The following VSTM4 variants were observed in gnomAD, a reference collection of about 807,000 sequenced individuals.
The protein encoded by VSTM4 is V-set and transmembrane domain-containing protein 4.
In VSTM4, 20 loss-of-function variants were observed where a neutral mutation model predicts 36.4. The observed-to-expected ratio is 0.55, with a 90% CI of 0.39 to 0.80. The LOEUF (loss-of-function observed/expected upper bound fraction) is 0.80. VSTM4 is among the 30% of genes least tolerant of loss of function. The probability of loss-of-function intolerance (pLI) is 0.00; values close to 1 mark genes in which losing one functional copy is unlikely to be tolerated. For synonymous variants in VSTM4, 182 were observed against 173.9 expected (o/e 1.05, Z -0.37); for missense variants, 392 against 404.5 (o/e 0.97, Z 0.26).
At position 49,047,015 on chromosome 10, in the gene VSTM4, T is replaced by C. The variant is rs771992173; in HGVS notation, c.805A>G (p.Lys269Glu). 6.2e-7 allele frequency: 1 copy of C among 1,614,180 alleles called. No individual in the cohort carries two copies. The highest frequency in any genetic ancestry group is 8.5e-7 in the Non-Finnish European group (1 of 1,180,020). Residue 269 changes from lysine to glutamate, a missense_variant, in exon 7 of 8, where the codon AAG (lysine) becomes GAG (glutamate). Transcript: ENST00000332853. The stretch of plus-strand genomic sequence containing the variant: ...ACTTTTCTCTGTGGTTTCAGCAGCT[T>C]CGGTTTATGGAACGTGGGGGCTATC... The part of the protein sequence containing the change: ...APIAPTFHKP[K>E]LLKPQRKVTL...
chr10:49,033,722 T>C (rs1439809085), intron 7 of VSTM4, among the ~76,000 whole-genome samples: 3 of 152,186 alleles, frequency 2.0e-5, no homozygotes, highest in African/African-American at 7.2e-5. Context: ...AGTGGGAGAC[T>C]TTGTATTAGT....
At chr10:49,109,966 C>A (rs1344101968) in intron 1 of VSTM4, among the ~76,000 whole-genome samples, 3 of 152,244 alleles carry the variant, frequency 2.0e-5, no homozygotes, top group African/African-American at 4.8e-5. Context: ...TGTGTGAAGT[C>A]CACACAGCTC....
At chr10:49,065,336 A>G (rs1843954396) in intron 4 of VSTM4, among the ~76,000 whole-genome samples, 1 of 152,212 alleles carries the variant, frequency 6.6e-6, no homozygotes, top group South Asian at 2.1e-4. Flanking sequence ...AGCTGAAACA[A>G]CCAGGGGGAC....
Position 49,023,173 on chromosome 10 carries a change from C to T in VSTM4, c.838-3398G>A, listed in dbSNP as rs770100655. ...GAATATAATAATTTGATTGAAGATA[C>T]GAGGCAGCTCACAGGAGGCTCAGAA... On this transcript the variant is annotated intron_variant, in intron 7 of 7. Coordinates refer to ENST00000332853, the MANE Select transcript of VSTM4 (RefSeq NM_001031746.5). Among the ~76,000 whole-genome samples the T allele has an allele frequency of 7.2e-4, 110 of 152,180 alleles. 2 individuals carry two copies. Among genetic ancestry groups the T allele is most frequent in the Non-Finnish European group, 6.3e-4 (43 of 68,032 alleles).
intron 4 of VSTM4, among the ~76,000 whole-genome samples, chr10:49,076,298 G>C (rs1293211281): frequency 6.6e-6 from 1 of 152,206 alleles, no homozygotes; most frequent in Non-Finnish European, 1.5e-5. Flanking sequence ...TGTGTTACAG[G>C]TTTTAGCATC....
chr10:49,076,101 T>C (rs868139687), intron 4 of VSTM4, among the ~76,000 whole-genome samples: 9 of 152,168 alleles, frequency 5.9e-5, no homozygotes, highest in South Asian at 4.1e-4. Flanking sequence ...GTCACCTCCC[T>C]CATTGTCCCT....
chr10:49,042,339 C>T (rs1843533744), intron 7 of VSTM4, among the ~76,000 whole-genome samples: 1 of 152,182 alleles, frequency 6.6e-6, no homozygotes, highest in Non-Finnish European at 1.5e-5. Flanking sequence ...TTTTTGATAA[C>T]ATGAACCAAA....
chr10:49,034,884 G>T (rs1274124581), intron 7 of VSTM4, among the ~76,000 whole-genome samples: 1 of 152,144 alleles, frequency 6.6e-6, no homozygotes, highest in East Asian at 1.9e-4. Context: ...GAGCAGAAAT[G>T]ATATTGTTTC....
intron 2 of VSTM4, among the ~76,000 whole-genome samples, chr10:49,104,479 C>T (rs1045326817): frequency 6.6e-6 from 1 of 152,214 alleles, no homozygotes; most frequent in African/African-American, 2.4e-5. Flanking sequence ...CAGCCTGGGG[C>T]GGACAAGCTC....
chr10:49,059,291 C>G (rs556986200), intron 5 of VSTM4, among the ~76,000 whole-genome samples: 92 of 152,298 alleles, frequency 6.0e-4, no homozygotes, highest in African/African-American at 2.1e-3. Context: ...GGAGACTGCT[C>G]ATAGGGAGAA....
At chr10:49,080,311 C>G (rs1033258664) in intron 3 of VSTM4, among the ~76,000 whole-genome samples, 1 of 152,158 alleles carries the variant, frequency 6.6e-6, no homozygotes, top group African/African-American at 2.4e-5. Context: ...AGAAGCAGGT[C>G]AGGCTTATGG....
Position 49,048,498 on chromosome 10 carries a change from G to A in VSTM4, c.755C>T (p.Pro252Leu), listed in dbSNP as rs1188602647. 23 of 1,595,354 alleles carry A rather than the reference G, an allele frequency of 1.4e-5. No homozygotes were observed. The highest frequency in any genetic ancestry group is 1.9e-5 in the Non-Finnish European group (22 of 1,173,652). Residue 252 changes from proline to leucine, a missense_variant, in exon 6 of 8, where the codon CCT (proline) becomes CTT (leucine). Physicochemically the swap from Pro to Leu is moderately conservative, Grantham distance 98 (BLOSUM62 -3). Transcript: ENST00000332853. ...GKRQKEKPDIPPAVPAKAPIA... is the reference protein window; with the variant it reads ...GKRQKEKPDILPAVPAKAPIA... ...CTTACCTTTGGCAGGGACTGCGGGA[G>A]GAATGTCAGGCTTCTCCTTCTGCCT...
rs1046344501 is a variant in VSTM4, at chr10:49,086,145, T to G, written c.458-122A>C. 10 of 586,556 alleles carry G rather than the reference T, an allele frequency of 1.7e-5. No individual in the cohort carries two copies. In the South Asian group the frequency reaches 2.7e-4, roughly 16 times the overall value. 36.3% of individuals were successfully genotyped at this position (586,556 alleles called of 1,614,324 possible). ...CCACATTTAGTTGTCAAAACTCACA[T>G]GTTAGGGAGGGGTGCAAGGACTTTA... On this transcript the variant is annotated intron_variant, in intron 2 of 7. Transcript: ENST00000332853.
At chr10:49,049,889 G>A (rs1051268729) in intron 5 of VSTM4, among the ~76,000 whole-genome samples, 7 of 152,232 alleles carry the variant, frequency 4.6e-5, no homozygotes, top group African/African-American at 1.2e-4. Flanking sequence ...GAATGATTTC[G>A]TAACATCTAT....
intron 4 of VSTM4, among the ~76,000 whole-genome samples, chr10:49,075,591 T>C (rs1329557594): frequency 2.6e-5 from 4 of 152,218 alleles, no homozygotes; most frequent in African/African-American, 9.6e-5. Flanking sequence ...TTGCCACTGA[T>C]GAGGGAGGTG....
At chr10:49,061,927 T>C (rs925253393) in intron 5 of VSTM4, among the ~76,000 whole-genome samples, 3 of 152,226 alleles carry the variant, frequency 2.0e-5, no homozygotes, top group African/African-American at 7.2e-5. Flanking sequence ...GTTTTCTGGT[T>C]ATTTCCTGTA....
At chr10:49,024,943 G>C (rs1843234921) in intron 7 of VSTM4, among the ~76,000 whole-genome samples, 1 of 76,762 alleles carries the variant, frequency 1.3e-5, no homozygotes, top group African/African-American at 3.1e-5. Flanking sequence ...TTTGCAGATG[G>C]GTTTTTTTAA....
chr10:49,075,724 C>A (rs1844164796), intron 4 of VSTM4, among the ~76,000 whole-genome samples: 2 of 152,222 alleles, frequency 1.3e-5, no homozygotes, highest in Admixed American at 1.3e-4. Flanking sequence ...TGCCCCATTG[C>A]CGATTGTGGA....
intron 2 of VSTM4, chr10:49,103,880 G>T: frequency 6.2e-7 from 1 of 1,610,838 alleles, no homozygotes; most frequent in Non-Finnish European, 8.5e-7. Context: ...GGAGGGAGGT[G>T]ACATGAGCAG....
Sources: allele counts gnomAD v4.1 joint callset (sites outside exome capture counted in the v4.1 genomes callset), GRCh38; gene constraint gnomAD v4.1.1; transcripts MANE v1.5; gene names NCBI Gene and HGNC (gene_info 2026-07-23, HGNC 2026-07-21).